CASTOR2: variants seen among roughly 807,000 people sequenced by gnomAD.
The protein encoded by CASTOR2 is cytosolic arginine sensor for mTORC1 subunit 2.
A neutral mutation model predicts 31.2 loss-of-function variants in CASTOR2; 8 were observed. That is an observed-to-expected ratio of 0.26 (90% CI 0.15 to 0.46). CASTOR2 has a LOEUF of 0.46. Among genes scored for constraint, CASTOR2 ranks in the 20% least tolerant of loss-of-function variants. The pLI, the probability that CASTOR2 is intolerant of heterozygous loss-of-function variation, is 0.99. For missense variants in CASTOR2, 216 were observed against 382.1 expected, an observed-to-expected ratio of 0.57 and a Z score of 3.62; for synonymous variants, 162 against 158.7, an observed-to-expected ratio of 1.02 and a Z score of -0.16.
intron 4 of CASTOR2, among the ~76,000 whole-genome samples, chr7:75,018,712 T>C (rs1312417969): frequency 4.6e-5 from 7 of 152,112 alleles, no homozygotes; most frequent in Middle Eastern, 3.2e-3. Context: ...GGAACACAGG[T>C]AGGAACGGAG....
rs1026557829 is a variant in CASTOR2, at chr7:75,025,477, G to A, written c.*778G>A. ...TGTCCCCTCGGCTCTCCCTGGACCC[G>A]ACTTGGGCAGGTAGAGCCTCAGCTT... On this transcript the variant is annotated 3_prime_UTR_variant, in exon 9 of 9. Coordinates refer to ENST00000616305, the MANE Select transcript of CASTOR2 (RefSeq NM_001145064.3). Among the ~76,000 whole-genome samples, 21 of 152,216 alleles carry A rather than the reference G, an allele frequency of 1.4e-4. No individual in the cohort carries two copies. The highest frequency in any genetic ancestry group is 2.6e-4 in the Non-Finnish European group (18 of 68,030).
At chr7:75,019,967 C>G (rs2131955732) in intron 5 of CASTOR2, 72 bp from the exon 6 acceptor site, 2 of 1,429,150 alleles carry the variant, frequency 1.4e-6, no homozygotes, top group Admixed American at 4.3e-5. Context: ...CAGGGCCCAG[C>G]TTCCCTGGGC....
chr7:75,027,896 T>C lies in CASTOR2; in HGVS notation c.*3197T>C. ...GGGCCGTCTGCCCTTGTCCCCCAGC[T>C]ATCTCCTGGTCTGCTGGGTGGGAGG... On this transcript the variant is annotated 3_prime_UTR_variant, in exon 9 of 9. Coordinates refer to ENST00000616305, the MANE Select transcript of CASTOR2 (RefSeq NM_001145064.3). 2 of 973,438 alleles carry C rather than the reference T, an allele frequency of 2.1e-6. No homozygotes were observed. Among genetic ancestry groups the C allele is most frequent in the Admixed American group, 2.0e-5 (1 of 49,514 alleles). The allele number at this position is 973,438 out of a possible 1,614,324, so 60.3% of individuals were successfully genotyped here.
chr7:75,028,023 C>A lies in CASTOR2; in HGVS notation c.*3324C>A. On this transcript the variant is annotated 3_prime_UTR_variant, in exon 9 of 9. Coordinates refer to ENST00000616305, the MANE Select transcript of CASTOR2 (RefSeq NM_001145064.3). ...CCTTACCTGTTTGCCGTCCATCCCC[C>A]GGAGGTAATCAGAGGAGTGGGCCTG... 1.3e-6 allele frequency: 2 copies of A among 1,534,806 alleles called. No individual in the cohort carries two copies. The highest frequency in any genetic ancestry group is 2.4e-5 in the East Asian group (1 of 40,916).
chr7:74,987,306 G>A (rs1331405395), intron 1 of CASTOR2, among the ~76,000 whole-genome samples: 1 of 151,932 alleles, frequency 6.6e-6, no homozygotes, highest in Non-Finnish European at 1.5e-5. Context: ...TCGGGAGGCT[G>A]AGGCAGGAGA....
At chr7:74,984,736 C>T (rs1187957843) in intron 1 of CASTOR2, among the ~76,000 whole-genome samples, 5 of 152,166 alleles carry the variant, frequency 3.3e-5, no homozygotes, top group African/African-American at 1.2e-4. Context: ...GTGACCTCCC[C>T]CATGTCTCAG....
At chr7:74,985,567 T>C (rs1383898111) in intron 1 of CASTOR2, among the ~76,000 whole-genome samples, 2 of 135,640 alleles carry the variant, frequency 1.5e-5, no homozygotes, top group Admixed American at 1.7e-4. Flanking sequence ...GGGCCAAAGA[T>C]TGAGAAACAG....
At chr7:74,987,627 C>A (rs1804102879) in intron 1 of CASTOR2, among the ~76,000 whole-genome samples, 2 of 152,342 alleles carry the variant, frequency 1.3e-5, no homozygotes, top group African/African-American at 2.4e-5. Context: ...TTGTTCATCA[C>A]CCCCGTGGGG....
intron 1 of CASTOR2, among the ~76,000 whole-genome samples, chr7:74,989,206 C>T (rs71539251): frequency 0.55 from 83,629 of 150,870 alleles, 25,322 homozygotes; most frequent in East Asian, 0.92. Flanking sequence ...CCTCGTGATT[C>T]GCCCATCTCG....
intron 1 of CASTOR2, among the ~76,000 whole-genome samples, chr7:74,986,981 A>G (rs1213859013): frequency 2.6e-5 from 4 of 152,218 alleles, no homozygotes; most frequent in African/African-American, 9.6e-5. Flanking sequence ...TCTTGAGCCC[A>G]GGAGTTTGAG....
At chr7:75,012,220 G>T (rs2131949142) in intron 2 of CASTOR2, among the ~76,000 whole-genome samples, 1 of 152,242 alleles carries the variant, frequency 6.6e-6, no homozygotes, top group East Asian at 1.9e-4. Context: ...TTTGGGGTGG[G>T]CCTAGGGGCT....
intron 2 of CASTOR2, among the ~76,000 whole-genome samples, chr7:75,011,982 A>T (rs1261171812): frequency 6.6e-6 from 1 of 152,028 alleles, no homozygotes; most frequent in Admixed American, 6.6e-5. Flanking sequence ...AAAGAAAAAA[A>T]AAAAACAAGA....
chr7:75,023,469 TG>T (rs1805055127), intron 7 of CASTOR2, among the ~76,000 whole-genome samples: 25 of 24,646 alleles, frequency 1.0e-3, no homozygotes, highest in East Asian at 4.6e-3. Context: ...TTTTTCTTTT[TG>T]TTTTTTGTTT....
At position 74,991,086 on chromosome 7, in the gene CASTOR2, AAAGG is replaced by A. The variant is rs1321988295; in HGVS notation, c.114-16905_114-16902del. On this transcript the variant is annotated intron_variant, in intron 1 of 8. Transcript: ENST00000616305. ...AAGACCCTGTCTGGAAAAAAAAAAAAAAGGAAAAGAAAAAGAAAATGCCCTCGCA... is the reference window on the plus strand; with the variant it reads ...AAGACCCTGTCTGGAAAAAAAAAAAAAAAAGAAAAAGAAAATGCCCTCGCA... Among the ~76,000 whole-genome samples the A allele has an allele frequency of 3.3e-5, 5 of 151,240 alleles. No homozygotes were observed. In the East Asian group the frequency reaches 9.7e-4, roughly 29 times the overall value.
intron 1 of CASTOR2, among the ~76,000 whole-genome samples, chr7:74,983,420 C>T (rs1288042267): frequency 3.1e-4 from 46 of 148,688 alleles, no homozygotes; most frequent in African/African-American, 1.1e-3. Flanking sequence ...ATGACGTCCC[C>T]ACCCAGCCCG....
At chr7:75,001,486 C>T (rs1334821699) in intron 1 of CASTOR2, among the ~76,000 whole-genome samples, 6 of 152,128 alleles carry the variant, frequency 3.9e-5, no homozygotes, top group Non-Finnish European at 7.3e-5. Flanking sequence ...CCACAAACCC[C>T]GGGGGCCCGG....
chr7:75,017,815 C>G, intron 3 of CASTOR2, 24 bp downstream of exon 3: 2 of 1,613,984 alleles, frequency 1.2e-6, no homozygotes, highest in African/African-American at 1.3e-5. Context: ...CACAGACACG[C>G]CTTGCACACT....
At position 75,024,621 on chromosome 7, in the gene CASTOR2, T is replaced by C. The variant is rs1208206095; in HGVS notation, c.925-13T>C. On this transcript the variant is annotated splice_polypyrimidine_tract_variant and intron_variant, in intron 8 of 8. Coordinates refer to ENST00000616305, the MANE Select transcript of CASTOR2 (RefSeq NM_001145064.3). ...CTCACGGGCAGGCATCTGCCTCCTC[T>C]ACCCCTGCACAGGTCCCCGAAGAGA... 1.0e-5 allele frequency: 16 copies of C among 1,551,240 alleles called. No homozygotes were observed. The Admixed American group carries it at 3.1e-4, about 30-fold the overall frequency.
Position 75,026,614 on chromosome 7 carries a change from A to G in CASTOR2, c.*1915A>G, listed in dbSNP as rs1196510044. Among the ~76,000 whole-genome samples, 3 of 152,168 alleles carry G rather than the reference A, an allele frequency of 2.0e-5. No individual in the cohort carries two copies. Among genetic ancestry groups the G allele is most frequent in the Non-Finnish European group, 4.4e-5 (3 of 68,032 alleles). On this transcript the variant is annotated 3_prime_UTR_variant, in exon 9 of 9. Transcript: ENST00000616305. ...CCACCAGAAGGAGAAGCTGTTCTTT[A>G]AAATCCTTGTGGGTGTTGAAGGCCC...
Sources: allele counts gnomAD v4.1 joint callset (sites outside exome capture counted in the v4.1 genomes callset), GRCh38; gene constraint gnomAD v4.1.1; transcripts MANE v1.5; gene names NCBI Gene and HGNC (gene_info 2026-07-23, HGNC 2026-07-21).